Variants in FSTL5 observed in about 807,000 individuals in gnomAD.
The protein encoded by FSTL5 is follistatin like 5.
Under a neutral mutation model 89.1 loss-of-function variants are expected in FSTL5, and 62 were observed. That is an observed-to-expected ratio of 0.70 (90% CI 0.57 to 0.86). FSTL5 has a LOEUF of 0.86. Among genes scored for constraint, FSTL5 ranks in the 40% least tolerant of loss-of-function variants. The pLI, the probability that FSTL5 is intolerant of heterozygous loss-of-function variation, is 0.00. For missense variants in FSTL5, 1,057 were observed against 1,001.6 expected (o/e 1.06, Z -0.75); for synonymous variants, 383 against 346.2 (o/e 1.11, Z -1.18).
In FSTL5 at chr4:161,522,943, C is replaced by T. The variant is rs964061906; in HGVS notation, c.1313-12519G>A. Among the ~76,000 whole-genome samples, 1,056 of 151,620 alleles carry T rather than the reference C, an allele frequency of 7.0e-3. 9 individuals carry two copies. Among genetic ancestry groups the T allele is most frequent in the African/African-American group, 0.023 (938 of 41,440 alleles). On this transcript the variant is annotated intron_variant, in intron 10 of 15. Transcript: ENST00000306100. ...TGCCCATTTGAATAATTTTTATCCT[C>T]TAATACACTTGAGAAAATTTTAAAG...
At chr4:161,885,909 G>T (rs1732792877) in intron 4 of FSTL5, among the ~76,000 whole-genome samples, 2 of 152,208 alleles carry the variant, frequency 1.3e-5, no homozygotes, top group African/African-American at 2.4e-5. Flanking sequence ...TTAGAGGAAT[G>T]ACATGAAGAG....
chr4:161,680,688 G>C (rs531144323), intron 6 of FSTL5, among the ~76,000 whole-genome samples: 1 of 151,410 alleles, frequency 6.6e-6, no homozygotes, highest in African/African-American at 2.4e-5. Flanking sequence ...ATAATTTAGG[G>C]AAATAATTAT....
chr4:162,053,092 T>C (rs578218548), intron 2 of FSTL5, among the ~76,000 whole-genome samples: 1 of 151,926 alleles, frequency 6.6e-6, no homozygotes, highest in African/African-American at 2.4e-5. Flanking sequence ...CTAATTATTA[T>C]AGACACTTGT....
chr4:161,946,479 T>C (rs1734737237), intron 3 of FSTL5, among the ~76,000 whole-genome samples: 1 of 152,222 alleles, frequency 6.6e-6, no homozygotes, highest in Admixed American at 6.5e-5. Context: ...CCATCAAGGA[T>C]GCCTTCAGGT....
At chr4:161,894,550 T>C (rs1733093892) in intron 4 of FSTL5, among the ~76,000 whole-genome samples, 1 of 152,258 alleles carries the variant, frequency 6.6e-6, no homozygotes, top group Admixed American at 6.5e-5. Context: ...GGCTCAATCT[T>C]GGCTCACTGC....
intron 13 of FSTL5, among the ~76,000 whole-genome samples, chr4:161,469,597 T>G (rs1263605395): frequency 6.6e-6 from 1 of 152,054 alleles, no homozygotes; most frequent in African/African-American, 2.4e-5. Context: ...TATAACGTCT[T>G]TGAAAAATGT....
intron 3 of FSTL5, among the ~76,000 whole-genome samples, chr4:161,944,479 G>C (rs571779196): frequency 4.7e-4 from 71 of 151,832 alleles, no homozygotes; most frequent in Non-Finnish European, 8.4e-4. Context: ...AGTAACTGTT[G>C]GTTAATTAGA....
At chr4:161,519,187 C>A (rs1488986003) in intron 10 of FSTL5, among the ~76,000 whole-genome samples, 3 of 152,098 alleles carry the variant, frequency 2.0e-5, no homozygotes, top group Non-Finnish European at 4.4e-5. Context: ...GAAGAGATTG[C>A]AAGGGTGTGT....
intron 8 of FSTL5, among the ~76,000 whole-genome samples, chr4:161,586,073 C>T (rs1328287182): frequency 1.3e-5 from 2 of 152,140 alleles, no homozygotes; most frequent in Non-Finnish European, 2.9e-5. Context: ...AACTTTTTGG[C>T]ACATGTTATT....
chr4:161,559,840 G>C (rs936229772), intron 8 of FSTL5, among the ~76,000 whole-genome samples: 1 of 151,816 alleles, frequency 6.6e-6, no homozygotes, highest in East Asian at 1.9e-4. Flanking sequence ...AAACCCAGAT[G>C]CTATAGCCTA....
chr4:161,752,979 C>T (rs1740450225), intron 6 of FSTL5, among the ~76,000 whole-genome samples: 1 of 152,152 alleles, frequency 6.6e-6, no homozygotes, highest in South Asian at 2.1e-4. Flanking sequence ...TGATGCTAGA[C>T]TTCCCCATCT....
chr4:161,997,825 C>A (rs1344865917), intron 3 of FSTL5, among the ~76,000 whole-genome samples: 1 of 151,840 alleles, frequency 6.6e-6, no homozygotes, highest in Non-Finnish European at 1.5e-5. Flanking sequence ...AGGATGGTCT[C>A]GATCTCCTGA....
intron 2 of FSTL5, among the ~76,000 whole-genome samples, chr4:162,083,455 CAG>C (rs1306633725): frequency 6.6e-6 from 1 of 151,502 alleles, no homozygotes; most frequent in African/African-American, 2.4e-5. Flanking sequence ...TTTAAGAACA[CAG>C]AGTTTAGGGT....
In FSTL5 at chr4:161,738,381, T is replaced by C. The variant is rs142618360; in HGVS notation, c.727+21030A>G. ...TTAGCTCAATAATTGTAAAATAATATCTCATCCTATAATTAGTGATAATTT... is the reference window on the plus strand; with the variant it reads ...TTAGCTCAATAATTGTAAAATAATACCTCATCCTATAATTAGTGATAATTT... On this transcript the variant is annotated intron_variant, in intron 6 of 15. Coordinates refer to ENST00000306100, the MANE Select transcript of FSTL5 (RefSeq NM_020116.5). Among the ~76,000 whole-genome samples the C allele has an allele frequency of 1.2e-3, 178 of 152,082 alleles. 2 individuals are homozygous for C. The highest frequency in any genetic ancestry group is 4.1e-3 in the African/African-American group (171 of 41,518).
intron 6 of FSTL5, among the ~76,000 whole-genome samples, chr4:161,721,823 C>T (rs888435982): frequency 7.2e-5 from 11 of 152,152 alleles, no homozygotes; most frequent in African/African-American, 1.4e-4. Flanking sequence ...ATTCTTCAAA[C>T]GCTTCCTTTG....
intron 4 of FSTL5, among the ~76,000 whole-genome samples, chr4:161,813,318 C>T (rs1326062095): frequency 6.6e-6 from 1 of 152,040 alleles, no homozygotes; most frequent in African/African-American, 2.4e-5. Context: ...TGTGAGCCAC[C>T]GCGCCTGGCT....
intron 8 of FSTL5, among the ~76,000 whole-genome samples, chr4:161,579,227 T>C (rs1181230900): frequency 1.3e-5 from 2 of 152,188 alleles, no homozygotes; most frequent in Non-Finnish European, 2.9e-5. Context: ...TAAGGTTCTT[T>C]ATACATGAAG....
intron 7 of FSTL5, among the ~76,000 whole-genome samples, chr4:161,605,761 G>A (rs1734417479): frequency 6.6e-6 from 1 of 152,164 alleles, no homozygotes; most frequent in African/African-American, 2.4e-5. Flanking sequence ...CAACAGCGTT[G>A]TGAACAAATG....
intron 12 of FSTL5, among the ~76,000 whole-genome samples, chr4:161,484,213 T>A (rs2126458501): frequency 6.6e-6 from 1 of 152,256 alleles, no homozygotes; most frequent in Non-Finnish European, 1.5e-5. Flanking sequence ...TGCCCTAAAA[T>A]CTTTAAATTC....
Sources: allele counts gnomAD v4.1 joint callset (sites outside exome capture counted in the v4.1 genomes callset), GRCh38; gene constraint gnomAD v4.1.1; transcripts MANE v1.5; gene names NCBI Gene and HGNC (gene_info 2026-07-23, HGNC 2026-07-21).